The following GSE1 variants were observed in gnomAD, a reference collection of about 807,000 sequenced individuals.
GSE1 encodes the protein Gse1 coiled-coil protein, also known as genetic suppressor element 1.
A neutral mutation model predicts 112.6 loss-of-function variants in GSE1; 32 were observed. That is an observed-to-expected ratio of 0.28 (90% CI 0.21 to 0.38). The LOEUF is 0.38. GSE1 is among the 10% of genes least tolerant of loss of function. The pLI is 1.00. For missense variants in GSE1, 2,348 were observed against 1,699.2 expected (o/e 1.38, Z -6.71); for synonymous variants, 1,115 against 735.6 (o/e 1.52, Z -8.35).
intron 2 of GSE1, among the ~76,000 whole-genome samples, chr16:85,413,218 G>A (rs1398903107): frequency 6.6e-6 from 1 of 152,244 alleles, no homozygotes; most frequent in Non-Finnish European, 1.5e-5. Flanking sequence ...TGAGGTTGAG[G>A]CAGCGGGGCT....
chr16:85,241,315 G>A (rs981512287), intron 1 of GSE1, among the ~76,000 whole-genome samples: 1 of 152,224 alleles, frequency 6.6e-6, no homozygotes, highest in Non-Finnish European at 1.5e-5. Flanking sequence ...ACCCAGCATA[G>A]GCCCTGGCAC....
intron 1 of GSE1, among the ~76,000 whole-genome samples, chr16:85,176,915 A>G (rs1478573961): frequency 6.6e-6 from 1 of 152,130 alleles, no homozygotes; most frequent in African/African-American, 2.4e-5. Context: ...CCTCCTCCCC[A>G]GGCCCAGGCT....
Position 85,648,454 on chromosome 16 carries a change from C to T in GSE1, c.227-98C>T, listed in dbSNP as rs1310895742. 4.6e-6 allele frequency: 3 copies of T among 648,274 alleles called. No individual in the cohort carries two copies. In the African/African-American group the frequency reaches 5.6e-5, roughly 12 times the overall value. The allele number at this position is 648,274 out of a possible 1,614,324, so 40.2% of individuals were successfully genotyped here. A position where few individuals can be genotyped will look rare whatever the true frequency, so the allele number is the denominator to read the frequency against. On this transcript the variant is annotated intron_variant, in intron 2 of 15. Transcript: ENST00000253458. ...GTAGACCTGGAGGTCTGGGGCCTCA[C>T]TTGGAGCAGGGGGGCAGCTGGAGCC... is the stretch of plus-strand genomic sequence containing the variant.
chr16:85,421,268 T>G (rs1234456890), intron 2 of GSE1, among the ~76,000 whole-genome samples: 2 of 149,216 alleles, frequency 1.3e-5, no homozygotes, highest in Non-Finnish European at 3.0e-5. Flanking sequence ...CCTGGGGGGG[T>G]CTCTCGGGCC....
rs1055900541 is a variant in GSE1 at position 85,231,729 on chromosome 16, G to T, written c.2283+59922G>T. Among the ~76,000 whole-genome samples, 14 of 152,170 alleles carry T rather than the reference G, an allele frequency of 9.2e-5. No homozygotes were observed. In the East Asian group the frequency reaches 2.7e-3, roughly 29 times the overall value. On this transcript the variant is annotated intron_variant, in intron 1 of 2. Coordinates refer to the GSE1 transcript ENST00000637419. ...GGGTCTTCCTCTTGGTCAGCAACCT[G>T]TCTAGGCTCTGAAGCCCATTTAAAC...
intron 2 of GSE1, among the ~76,000 whole-genome samples, chr16:85,388,485 T>G (rs140855828): frequency 0.097 from 8,262 of 85,558 alleles, 258 homozygotes; most frequent in East Asian, 0.19. Context: ...GGTGGGTGGG[T>G]GGGTGGGTGG....
intron 2 of GSE1, among the ~76,000 whole-genome samples, chr16:85,425,446 A>G (rs1463886185): frequency 2.6e-5 from 4 of 152,076 alleles, no homozygotes; most frequent in Admixed American, 1.3e-4. Flanking sequence ...TGGAGCTGCG[A>G]GTGTCAGGGG....
upstream of GSE1, chr16:85,613,220 C>G: frequency 2.0e-6 from 3 of 1,494,478 alleles, no homozygotes; most frequent in Non-Finnish European, 2.7e-6. Flanking sequence ...GGTGTGTCCT[C>G]GGCGGCGACA....
At chr16:85,477,293 G>A (rs12919544) in intron 2 of GSE1, among the ~76,000 whole-genome samples, 2 of 152,178 alleles carry the variant, frequency 1.3e-5, no homozygotes, top group South Asian at 2.1e-4. Context: ...CCCAAAACAC[G>A]TATACAGGAG....
intron 1 of GSE1, among the ~76,000 whole-genome samples, chr16:85,331,141 A>T (rs1012828344): frequency 3.3e-5 from 5 of 150,642 alleles, no homozygotes; most frequent in Admixed American, 6.6e-5. Flanking sequence ...TTTATTTTTT[A>T]AATTTTTATT....
upstream of GSE1, among the ~76,000 whole-genome samples, chr16:85,609,904 A>G (rs1219874811): frequency 6.6e-6 from 1 of 152,126 alleles, no homozygotes; most frequent in East Asian, 1.9e-4. Flanking sequence ...CAATATGCCT[A>G]TCTTGGCCCC....
intron 1 of GSE1, among the ~76,000 whole-genome samples, chr16:85,340,744 G>A (rs1194500836): frequency 6.6e-6 from 1 of 152,182 alleles, no homozygotes; most frequent in Non-Finnish European, 1.5e-5. Flanking sequence ...AATGAACAGA[G>A]ACACTTCCTG....
intron 2 of GSE1, among the ~76,000 whole-genome samples, chr16:85,422,505 A>T (rs1160179942): frequency 6.6e-6 from 1 of 150,764 alleles, no homozygotes; most frequent in African/African-American, 2.4e-5. Flanking sequence ...GAGGAGGAGG[A>T]GGAGCAGCGT....
intron 1 of GSE1, among the ~76,000 whole-genome samples, chr16:85,564,017 T>TG (rs1238914212): frequency 2.0e-5 from 3 of 152,172 alleles, no homozygotes; most frequent in Non-Finnish European, 4.4e-5. Context: ...GGGCAGGGCT[T>TG]GCGCCAGTGG....
chr16:85,519,578 A>ATCACCACCACCATCACCG (rs1360989506), intron 2 of GSE1, among the ~76,000 whole-genome samples: 1 of 49,126 alleles, frequency 2.0e-5, no homozygotes, highest in Non-Finnish European at 4.7e-5. Flanking sequence ...CACCATCACC[A>ATCACCACCACCATCACCG]GTCTCCATCA....
At chr16:85,324,509 CAAAA>C (rs58493568) in intron 1 of GSE1, among the ~76,000 whole-genome samples, 5 of 98,100 alleles carry the variant, frequency 5.1e-5, no homozygotes, top group Non-Finnish European at 4.5e-5. Context: ...GACTCCCTCT[CAAAA>C]AAAAAAAAAA....
Position 85,524,058 on chromosome 16 carries a change from A to C in GSE1, c.2465-109856A>C, listed in dbSNP as rs74031831. Among the ~76,000 whole-genome samples the C allele has an allele frequency of 4.4e-3, 673 of 152,266 alleles. 5 individuals carry two copies. Among genetic ancestry groups the C allele is most frequent in the African/African-American group, 0.015 (636 of 41,564 alleles). On this transcript the variant is annotated intron_variant, in intron 2 of 2. Coordinates refer to the GSE1 transcript ENST00000637419. The stretch of plus-strand genomic sequence containing the variant: ...TCTCCCGGGTGGTGGGGCCAGGGCC[A>C]GCTGCTGCAGCCAGGAGCCCCTCAT...
At chr16:85,217,055 G>C (rs889202325) in intron 1 of GSE1, among the ~76,000 whole-genome samples, 5 of 152,214 alleles carry the variant, frequency 3.3e-5, no homozygotes, top group Non-Finnish European at 7.3e-5. Flanking sequence ...TTGGGGCCTT[G>C]GCTGCGCCAG....
chr16:85,301,502 C>G (rs562751543), intron 1 of GSE1, among the ~76,000 whole-genome samples: 1 of 152,358 alleles, frequency 6.6e-6, no homozygotes, highest in East Asian at 1.9e-4. Flanking sequence ...CCAGTGGCTG[C>G]CGGTTGGTGG....
Sources: allele counts gnomAD v4.1 joint callset (sites outside exome capture counted in the v4.1 genomes callset), GRCh38; gene constraint gnomAD v4.1.1; transcripts MANE v1.5; gene names NCBI Gene and HGNC (gene_info 2026-07-23, HGNC 2026-07-21).